CYP2A7: variants seen among roughly 807,000 people sequenced by gnomAD.
The protein encoded by CYP2A7 is cytochrome P450 2A7.
Under a neutral mutation model 42.0 loss-of-function variants are expected in CYP2A7, and 36 were observed. That is an observed-to-expected ratio of 0.86 (90% CI 0.66 to 1.13). CYP2A7 has a LOEUF of 1.13. CYP2A7 is among the 50% of genes most tolerant of loss of function. CYP2A7 has a pLI of 0.00. For missense variants in CYP2A7, 661 were observed against 634.1 expected (o/e 1.04, Z -0.46); for synonymous variants, 260 against 249.5 (o/e 1.04, Z -0.40).
At chr19:40,876,033 T>A (rs1249974993) in intron 8 of CYP2A7, among the ~76,000 whole-genome samples, 159 bp from the exon 9 acceptor site, 1 of 151,812 alleles carries the variant, frequency 6.6e-6, no homozygotes, top group Non-Finnish European at 1.5e-5. Flanking sequence ...GAGCCTCAGT[T>A]TCTTTCTACA....
Position 40,882,011 on chromosome 19 carries a change from A to G in CYP2A7, c.180+20T>C. ...AGGCAGCCCCCACCCTGTGCCACCC[A>G]TCTTCCTGCCTTGGGACACCTTCAT... On this transcript the variant is annotated intron_variant, in intron 1 of 8. Coordinates refer to ENST00000301146, the MANE Select transcript of CYP2A7 (RefSeq NM_000764.3). 1.9e-6 allele frequency: 3 copies of G among 1,606,094 alleles called. No homozygotes were observed. The highest frequency in any genetic ancestry group is 2.6e-6 in the Non-Finnish European group (3 of 1,175,116).
chr19:40,877,099 G>A (rs1568525174), intron 7 of CYP2A7, 91 bp downstream of exon 7: 6 of 1,430,318 alleles, frequency 4.2e-6, no homozygotes, highest in Non-Finnish European at 5.9e-6. Context: ...GAGTGGGACA[G>A]TGAGTAGAAA....
chr19:40,880,585 G>C lies in CYP2A7; in HGVS notation c.387C>G (p.Arg129=). 6.3e-7 allele frequency: 1 copy of C among 1,597,936 alleles called. No homozygotes were observed. The highest frequency in any genetic ancestry group is 2.2e-5 in the East Asian group (1 of 44,664). ...AGTCCCTCAGGGTGGCGATGGCAAA[G>C]CGCAGGAGCTGCTTGGCGCGCTCCC... ...SNGERAKQLL[R]FAIATLRDFG... is the part of the protein sequence containing the mutation. The change falls in exon 3 of 9, where the codon CGC becomes CGG. Residue 129 remains arginine (R), a synonymous_variant. Transcript: ENST00000301146.
At chr19:40,877,062 G>A (rs1967549497) in intron 7 of CYP2A7, 128 bp downstream of exon 7, 1 of 1,033,716 alleles carries the variant, frequency 9.7e-7, no homozygotes, top group African/African-American at 1.6e-5. Flanking sequence ...TGTGGTGGTT[G>A]GGGAAGTCCT....
At chr19:40,881,961 C>G (rs1599796003) in intron 1 of CYP2A7, 70 bp downstream of exon 1, 2 of 1,567,082 alleles carry the variant, frequency 1.3e-6, no homozygotes, top group South Asian at 1.2e-5. Flanking sequence ...CTGGTCAATC[C>G]CCTGCCACAA....
chr19:40,880,864 C>T (rs139656278), intron 2 of CYP2A7, among the ~76,000 whole-genome samples: 6 of 84,586 alleles, frequency 7.1e-5, no homozygotes, highest in African/African-American at 2.8e-4. Context: ...AGAGAGAGAC[C>T]GGGTAGAAAG....
chr19:40,878,759 C>T lies in CYP2A7; in HGVS notation c.831+1G>A. 2 of 1,611,260 alleles carry T rather than the reference C, an allele frequency of 1.2e-6. No homozygotes were observed. Among genetic ancestry groups the T allele is most frequent in the Non-Finnish European group, 8.5e-7 (1 of 1,178,156 alleles). ...TCCCCGCACTGGCTGCTGGGGTGTA[C>T]CTCCTGCATGTGGATGAGAAAGGAG... On this transcript the variant is annotated splice_donor_variant, in intron 5 of 8. Transcript: ENST00000301146. LOFTEE classifies it high-confidence loss of function.
chr19:40,876,411 C>G, intron 8 of CYP2A7, 116 bp downstream of exon 8: 1 of 1,560,968 alleles, frequency 6.4e-7, no homozygotes. Context: ...AGGGTAGATT[C>G]TAACAGGAAC....
rs1967577901 is a variant in CYP2A7, at chr19:40,878,098, G to A, written c.832-105C>T. 6.2e-5 allele frequency: 82 copies of A among 1,321,068 alleles called. 2 individuals are homozygous for A. The highest frequency in any genetic ancestry group is 8.1e-5 in the Non-Finnish European group (78 of 968,886). 81.8% of individuals were successfully genotyped at this position (1,321,068 alleles called of 1,614,324 possible). ...CTCTCTTTGGTCCAGACCAAAGGTG[G>A]AAAGAGGGACCCTAGATCTACCAGA... On this transcript the variant is annotated intron_variant, in intron 5 of 8. Coordinates refer to ENST00000301146, the MANE Select transcript of CYP2A7 (RefSeq NM_000764.3).
intron 8 of CYP2A7, chr19:40,876,235 C>T (rs897969885): frequency 9.9e-6 from 6 of 603,420 alleles, no homozygotes; most frequent in East Asian, 6.1e-5. Context: ...TTGCCAGATA[C>T]ACTTGCAAAT....
chr19:40,881,990 A>C (rs1967704529), intron 1 of CYP2A7, 41 bp downstream of exon 1: 1 of 1,590,960 alleles, frequency 6.3e-7, no homozygotes, highest in Non-Finnish European at 8.6e-7. Context: ...CCAACTAGGC[A>C]GCCCCCACCC....
intron 7 of CYP2A7, 137 bp downstream of exon 7, chr19:40,877,053 G>A (rs1967549201): frequency 1.1e-6 from 1 of 932,610 alleles, no homozygotes; most frequent in Non-Finnish European, 1.6e-6. Flanking sequence ...TGGAATGGAT[G>A]TGGTGGTTGG....
In CYP2A7 at chr19:40,880,589, A is replaced by C. The variant is rs3815710; in HGVS notation, c.383T>G (p.Leu128Arg). The C allele has an allele frequency of 0.47, 575,050 of 1,211,006 alleles. 174,163 individuals carry two copies. Among genetic ancestry groups the C allele is most frequent in the Admixed American group, 0.64 (30,828 of 48,056 alleles). 75.0% of individuals were successfully genotyped at this position (1,211,006 alleles called of 1,614,324 possible). Residue 128 changes from leucine (L) to arginine (R), a missense_variant, in exon 3 of 9, where the codon CTG becomes CGG. Leu to Arg is a moderately radical substitution (Grantham distance 102, BLOSUM62 -2). Coordinates refer to ENST00000301146, the MANE Select transcript of CYP2A7 (RefSeq NM_000764.3). ...CCTCAGGGTGGCGATGGCAAAGCGC[A>C]GGAGCTGCTTGGCGCGCTCCCCGTT... The part of the protein sequence containing the change: ...FSNGERAKQL[L>R]RFAIATLRDF...
chr19:40,876,366 G>T, intron 8 of CYP2A7, 161 bp downstream of exon 8: 2 of 1,191,296 alleles, frequency 1.7e-6, no homozygotes, highest in Non-Finnish European at 1.2e-6. Flanking sequence ...GGTACTGGGT[G>T]CTTGGTAGTT....
rs1060091 is a variant in CYP2A7, at chr19:40,875,633, C to G, written c.*60G>C. On this transcript the variant is annotated 3_prime_UTR_variant, in exon 9 of 9. Coordinates refer to ENST00000301146, the MANE Select transcript of CYP2A7 (RefSeq NM_000764.3). ...TTATACCCGCCTCTTCCGCGAACCCCGCCCTGACCCCGCCTTTCCCTGGCC... is the reference window on the plus strand; with the variant it reads ...TTATACCCGCCTCTTCCGCGAACCCGGCCCTGACCCCGCCTTTCCCTGGCC... 2.5e-6 allele frequency: 4 copies of G among 1,610,254 alleles called. No homozygotes were observed. Among genetic ancestry groups the G allele is most frequent in the African/African-American group, 1.3e-5 (1 of 74,952 alleles).
intron 5 of CYP2A7, among the ~76,000 whole-genome samples, chr19:40,878,474 C>T (rs559122628): frequency 5.1e-4 from 78 of 151,856 alleles, no homozygotes; most frequent in African/African-American, 1.9e-3. Context: ...CAACCTCTGC[C>T]CCCCTTCGCG....
At chr19:40,879,826 A>T (rs1967612948) in intron 4 of CYP2A7, among the ~76,000 whole-genome samples, 1 of 150,376 alleles carries the variant, frequency 6.6e-6, no homozygotes, top group Non-Finnish European at 1.5e-5. Flanking sequence ...GGGGATGGGA[A>T]CACGTGCCCA....
intron 7 of CYP2A7, 161 bp from the exon 8 acceptor site, chr19:40,876,829 C>G: frequency 1.0e-6 from 1 of 1,003,834 alleles, no homozygotes; most frequent in Non-Finnish European, 1.4e-6. Flanking sequence ...ATAGAAGGTT[C>G]ACATCTCTGA....
At position 40,875,576 on chromosome 19, in the gene CYP2A7, G is replaced by T. The variant is rs184329064; in HGVS notation, c.*117C>A. 660 of 1,522,288 alleles carry T rather than the reference G, an allele frequency of 4.3e-4. 12 individuals carry two copies. In the South Asian group the frequency reaches 7.0e-3, roughly 16 times the overall value. 94.3% of individuals were successfully genotyped at this position (1,522,288 alleles called of 1,614,324 possible). A position where few individuals can be genotyped will look rare whatever the true frequency, so the allele number is the denominator to read the frequency against. On this transcript the variant is annotated 3_prime_UTR_variant, in exon 9 of 9. Transcript: ENST00000301146. ...TTCTTCTCTTCCCTCTAGCCACCAC[G>T]CCCCTTCCTTTCCCGCATCTTCCCC...
Sources: gnomAD v4.1 joint callset for allele counts (sites outside exome capture counted in the v4.1 genomes callset) on GRCh38, gnomAD v4.1.1 for gene constraint, MANE v1.5 for transcripts, NCBI Gene and HGNC (gene_info 2026-07-23, HGNC 2026-07-21) for gene names.